Variants in LRRC69 observed in about 807,000 individuals in gnomAD.
LRRC69 encodes the protein leucine-rich repeat-containing protein 69.
In LRRC69, 42 loss-of-function variants were observed where a neutral mutation model predicts 37.8. That is an observed-to-expected ratio of 1.11 (90% CI 0.87 to 1.44). The LOEUF (loss-of-function observed/expected upper bound fraction) is 1.44, where lower values mean the gene tolerates loss of function less well. Ranked by LOEUF, LRRC69 falls within the 40% of genes most tolerant of loss-of-function variation. LRRC69 has a pLI of 0.00. For synonymous variants in LRRC69, 141 were observed against 143.1 expected, an observed-to-expected ratio of 0.99 and a Z score of 0.11; for missense variants, 357 against 401.9, an observed-to-expected ratio of 0.89 and a Z score of 0.96.
intron 6 of LRRC69, among the ~76,000 whole-genome samples, chr8:91,191,932 T>C (rs944583369): frequency 1.3e-5 from 2 of 151,810 alleles, no homozygotes; most frequent in Non-Finnish European, 2.9e-5. Context: ...GCCATGCTGG[T>C]GCGCTGCACC....
chr8:91,207,623 G>A (rs1177514581), intron 7 of LRRC69, among the ~76,000 whole-genome samples: 1 of 152,214 alleles, frequency 6.6e-6, no homozygotes, highest in Non-Finnish European at 1.5e-5. Context: ...GAAGGCTAGG[G>A]AGGCATTTAG....
At chr8:91,192,455 C>A (rs1339342015) in intron 6 of LRRC69, among the ~76,000 whole-genome samples, 3 of 151,558 alleles carry the variant, frequency 2.0e-5, no homozygotes, top group African/African-American at 4.9e-5. Context: ...AGTTTACAGT[C>A]CCACCAACAG....
chr8:91,158,201 T>C (rs1808870700), intron 5 of LRRC69: 1 of 1,603,420 alleles, frequency 6.2e-7, no homozygotes, highest in Non-Finnish European at 8.5e-7. Context: ...TTGTATTCCA[T>C]GGGCTTACTA....
At chr8:91,191,041 A>C (rs1359183646) in intron 6 of LRRC69, among the ~76,000 whole-genome samples, 94 of 114,450 alleles carry the variant, frequency 8.2e-4, no homozygotes, top group East Asian at 1.6e-3. Flanking sequence ...CCTGTCTCAA[A>C]CCCCCCCCCC....
exon 2 of LRRC69, chr8:91,124,615 C>T: frequency 1.3e-6 from 2 of 1,532,630 alleles, no homozygotes; most frequent in Non-Finnish European, 1.8e-6. Context: ...CACCTGGAGC[C>T]TGTGGTAATT....
intron 5 of LRRC69, among the ~76,000 whole-genome samples, chr8:91,176,156 GA>G (rs1809225798): frequency 3.4e-5 from 1 of 29,844 alleles, no homozygotes; most frequent in African/African-American, 1.6e-4. Context: ...TCTTTTTTTT[GA>G]GACAGTCTCA....
chr8:91,209,279 A>G (rs1809861664), intron 7 of LRRC69, among the ~76,000 whole-genome samples: 1 of 152,070 alleles, frequency 6.6e-6, no homozygotes. Context: ...ACACAAAAAA[A>G]TTAGCCAGAC....
At chr8:91,211,104 C>T (rs574058311) in intron 7 of LRRC69, among the ~76,000 whole-genome samples, 2 of 151,998 alleles carry the variant, frequency 1.3e-5, no homozygotes, top group East Asian at 1.9e-4. Context: ...TTTCAAAGCA[C>T]TAAGGGAAAA....
In LRRC69 at chr8:91,153,767, A is replaced by T. The variant is rs183475093; in HGVS notation, c.651+18028A>T. ...ATGCCCACATAAGAAAGCTAGAAAG[A>T]TCTCAAATTGACACCCTAACATCAC... On this transcript the variant is annotated intron_variant, in intron 5 of 7. Transcript: ENST00000448384. 2.0e-5 allele frequency among the ~76,000 whole-genome samples: 3 copies of T among 152,116 alleles called. 1 individual carries two copies. The East Asian group carries it at 5.8e-4, about 29-fold the overall frequency.
intron 5 of LRRC69, among the ~76,000 whole-genome samples, chr8:91,152,641 G>A (rs997771569): frequency 6.6e-6 from 1 of 151,400 alleles, no homozygotes; most frequent in African/African-American, 2.4e-5. Flanking sequence ...AAATTTTAAA[G>A]TAGTTTTCTC....
intron 1 of LRRC69, among the ~76,000 whole-genome samples, chr8:91,121,907 A>C (rs1813630124): frequency 6.6e-6 from 1 of 152,088 alleles, no homozygotes; most frequent in South Asian, 2.1e-4. Context: ...CCACAAAAAA[A>C]CAAAAACTAA....
rs191045300 is a variant in LRRC69 at position 91,125,275 on chromosome 8, A to T, written c.310+656A>T. 2.0e-5 allele frequency among the ~76,000 whole-genome samples: 3 copies of T among 151,966 alleles called. No individual in the cohort carries two copies. In the East Asian group the frequency reaches 5.8e-4, roughly 29 times the overall value. Reference sequence around the variant, plus strand: ...TTAGTAGTAAAATGAGAGAAATATTATAAAATTTATAAATTTCTATGAACT... The same window carrying T: ...TTAGTAGTAAAATGAGAGAAATATTTTAAAATTTATAAATTTCTATGAACT... On this transcript the variant is annotated intron_variant, in intron 2 of 7. Coordinates refer to ENST00000448384, the Ensembl canonical transcript of LRRC69.
intron 7 of LRRC69, 71 bp from the exon 8 acceptor site, chr8:91,218,819 C>A: frequency 3.1e-6 from 3 of 958,618 alleles, no homozygotes; most frequent in Non-Finnish European, 4.6e-6. Context: ...TCTGAGAAAG[C>A]AAATATTTAT....
At chr8:91,166,697 A>G (rs1482632709) in intron 5 of LRRC69, among the ~76,000 whole-genome samples, 1 of 151,752 alleles carries the variant, frequency 6.6e-6, no homozygotes, top group African/African-American at 2.4e-5. Context: ...AAATTGTTTT[A>G]TGGGATACAT....
At chr8:91,214,884 G>T (rs1810010952) in intron 7 of LRRC69, among the ~76,000 whole-genome samples, 1 of 151,828 alleles carries the variant, frequency 6.6e-6, no homozygotes, top group Non-Finnish European at 1.5e-5. Flanking sequence ...GATTTTGCAG[G>T]CTGGGTTTCC....
At chr8:91,158,078 G>A in intron 5 of LRRC69, 1 of 1,444,876 alleles carries the variant, frequency 6.9e-7, no homozygotes, top group Non-Finnish European at 9.7e-7. Context: ...CTCAATACAT[G>A]CCCATGGGGT....
intron 5 of LRRC69, among the ~76,000 whole-genome samples, chr8:91,166,736 T>G (rs1217366229): frequency 6.6e-6 from 1 of 151,766 alleles, no homozygotes; most frequent in Non-Finnish European, 1.5e-5. Context: ...TATTCACTAT[T>G]TTAGAGTGCA....
rs201382592 is a variant in LRRC69 at position 91,196,195 on chromosome 8, G to C, written c.754-4418G>C. Among the ~76,000 whole-genome samples the C allele has an allele frequency of 6.4e-3, 965 of 151,922 alleles. 5 individuals are homozygous for C. Among genetic ancestry groups the C allele is most frequent in the Non-Finnish European group, 0.01 (704 of 68,008 alleles). ...GCCCCCACTCTCTTCTGGCTTGTAG[G>C]GTTTCTCCCGAGAGATCTGCTGTTA... is the stretch of plus-strand genomic sequence containing the variant. On this transcript the variant is annotated intron_variant, in intron 6 of 7. Coordinates refer to ENST00000448384, the Ensembl canonical transcript of LRRC69.
At position 91,180,826 on chromosome 8, in the gene LRRC69, T is replaced by A. The variant is rs149953410; in HGVS notation, c.652-8696T>A. ...ATGTTATGTTCTGATGTCTTAGGTA[T>A]TCATAAGAAGGGGGCTAAAGAGAAT... On this transcript the variant is annotated intron_variant, in intron 5 of 7. Coordinates refer to ENST00000448384, the Ensembl canonical transcript of LRRC69. Among the ~76,000 whole-genome samples, 699 of 152,196 alleles carry A rather than the reference T, an allele frequency of 4.6e-3. 1 individual carries two copies. The highest frequency in any genetic ancestry group is 9.9e-3 in the Admixed American group (152 of 15,280).
Sources: allele counts gnomAD v4.1 joint callset (sites outside exome capture counted in the v4.1 genomes callset), GRCh38; gene constraint gnomAD v4.1.1; transcripts MANE v1.5; gene names NCBI Gene and HGNC (gene_info 2026-07-23, HGNC 2026-07-21).